INPP4B: variants seen among roughly 807,000 people sequenced by gnomAD.
The protein encoded by INPP4B is inositol polyphosphate-4-phosphatase type II B.
A neutral mutation model predicts 122.5 loss-of-function variants in INPP4B; 55 were observed. The ratio of observed to expected loss-of-function variants is 0.45; its 90% CI spans 0.36 to 0.56. The LOEUF is 0.56. Ranked by LOEUF, INPP4B falls within the 20% of genes least tolerant of loss-of-function variation. INPP4B has a pLI of 0.00. For synonymous variants in INPP4B, 403 were observed against 388.7 expected, an observed-to-expected ratio of 1.04 and a Z score of -0.43; for missense variants, 1,000 against 1,097.7, an observed-to-expected ratio of 0.91 and a Z score of 1.26.
At chr4:142,376,809 T>C (rs141246574) in intron 7 of INPP4B, among the ~76,000 whole-genome samples, 5 of 152,168 alleles carry the variant, frequency 3.3e-5, no homozygotes, top group Admixed American at 3.3e-4. Flanking sequence ...TTGAGCAAAT[T>C]ACTCAAATTC....
In INPP4B at chr4:142,844,285, CAAAT is replaced by C. The variant is rs775134595; in HGVS notation, c.-254+1920_-254+1923del. ...CATCATAGTGATCATTATTTTATCACAAATAAATATTGATTTGCTTAATCAAAGA... is the reference window on the plus strand; with the variant it reads ...CATCATAGTGATCATTATTTTATCACAAATATTGATTTGCTTAATCAAAGA... On this transcript the variant is annotated intron_variant, in intron 1 of 25. Coordinates refer to ENST00000262992, the MANE Select transcript of INPP4B (RefSeq NM_001101669.3). Among the ~76,000 whole-genome samples the C allele has an allele frequency of 4.9e-4, 74 of 152,214 alleles. 1 individual carries two copies. Among genetic ancestry groups the C allele is most frequent in the Non-Finnish European group, 9.9e-4 (67 of 68,000 alleles).
intron 2 of INPP4B, among the ~76,000 whole-genome samples, chr4:142,637,650 C>T (rs1407797614): frequency 4.6e-5 from 7 of 152,154 alleles, no homozygotes; most frequent in African/African-American, 1.7e-4. Context: ...AATAAAGCTG[C>T]TGTAAACATT....
At chr4:142,087,448 T>C (rs1308522843) in intron 23 of INPP4B, among the ~76,000 whole-genome samples, 1 of 152,188 alleles carries the variant, frequency 6.6e-6, no homozygotes, top group Non-Finnish European at 1.5e-5. Context: ...CTTGGTGAGA[T>C]GGGATTCAAT....
At chr4:142,736,621 A>C (rs1766948993) in intron 1 of INPP4B, among the ~76,000 whole-genome samples, 1 of 152,166 alleles carries the variant, frequency 6.6e-6, no homozygotes, top group Non-Finnish European at 1.5e-5. Context: ...GTATATAAGA[A>C]TACTTGTGAT....
At chr4:142,776,535 G>T (rs918616782) in intron 1 of INPP4B, among the ~76,000 whole-genome samples, 4 of 152,114 alleles carry the variant, frequency 2.6e-5, no homozygotes, top group Non-Finnish European at 4.4e-5. Context: ...ATTGGAAGTT[G>T]CCAGGAACTA....
intron 1 of INPP4B, among the ~76,000 whole-genome samples, chr4:142,763,811 A>G (rs184251031): frequency 7.9e-5 from 12 of 152,276 alleles, no homozygotes; most frequent in Non-Finnish European, 1.6e-4. Context: ...AAAATTACAA[A>G]TTTTGCTTTG....
At chr4:142,592,795 T>C (rs1737791603) in intron 2 of INPP4B, among the ~76,000 whole-genome samples, 1 of 152,084 alleles carries the variant, frequency 6.6e-6, no homozygotes, top group Admixed American at 6.6e-5. Flanking sequence ...AAATGCTGAA[T>C]TTATAGGATC....
intron 2 of INPP4B, among the ~76,000 whole-genome samples, chr4:142,624,067 C>A (rs886171346): frequency 6.6e-6 from 1 of 151,622 alleles, no homozygotes; most frequent in Non-Finnish European, 1.5e-5. Context: ...GATTTATAGT[C>A]CTTTGGGTAT....
intron 7 of INPP4B, chr4:142,383,887 T>G: frequency 1.1e-5 from 6 of 549,794 alleles, no homozygotes; most frequent in Middle Eastern, 4.4e-4. Context: ...AACACAGGTG[T>G]GAGCTTATTA....
At chr4:142,375,583 G>A (rs1791541427) in intron 7 of INPP4B, among the ~76,000 whole-genome samples, 1 of 151,734 alleles carries the variant, frequency 6.6e-6, no homozygotes, top group African/African-American at 2.4e-5. Context: ...GGTAGCCATG[G>A]GACACAATTT....
chr4:142,521,149 T>A (rs1826019485), intron 2 of INPP4B, among the ~76,000 whole-genome samples: 1 of 151,826 alleles, frequency 6.6e-6, no homozygotes. Context: ...AAAAATATAA[T>A]CAGGAAAATT....
rs189862368 is a variant in INPP4B at position 142,117,027 on chromosome 4, T to C, written c.2136-4345A>G. Among the ~76,000 whole-genome samples the C allele has an allele frequency of 9.2e-3, 1,407 of 152,122 alleles. 10 individuals are homozygous for C. Among genetic ancestry groups the C allele is most frequent in the Non-Finnish European group, 0.016 (1,095 of 67,960 alleles). The stretch of plus-strand genomic sequence containing the variant: ...TACAAACTATCATCAGAGAATACTA[T>C]AAACACCACTATGCAAATAAACTAG... On this transcript the variant is annotated intron_variant, in intron 21 of 25. Transcript: ENST00000262992.
At chr4:142,130,219 G>A (rs1453742488) in intron 18 of INPP4B, among the ~76,000 whole-genome samples, 1 of 152,156 alleles carries the variant, frequency 6.6e-6, no homozygotes, top group Non-Finnish European at 1.5e-5. Context: ...CCCACAGTGA[G>A]GCTTTGTAGG....
chr4:142,560,193 G>A lies in INPP4B; in HGVS notation c.-190-97467C>T, dbSNP rs147727054. 2.8e-3 allele frequency among the ~76,000 whole-genome samples: 419 copies of A among 152,258 alleles called. 3 individuals carry two copies. The highest frequency in any genetic ancestry group is 9.5e-3 in the African/African-American group (394 of 41,530). ...CTAATCCTCAATGCTAACAGCCTGC[G>A]CTTTCCTTCCCCGCCTCAGCCATGT... On this transcript the variant is annotated intron_variant, in intron 2 of 25. Coordinates refer to ENST00000262992, the MANE Select transcript of INPP4B (RefSeq NM_001101669.3).
intron 2 of INPP4B, among the ~76,000 whole-genome samples, chr4:142,604,415 T>G (rs544518427): frequency 6.6e-6 from 1 of 152,026 alleles, no homozygotes; most frequent in Non-Finnish European, 1.5e-5. Context: ...AGCATCCAAA[T>G]TGGAAAAGAG....
At chr4:142,564,482 AAG>A (rs1731204391) in intron 2 of INPP4B, among the ~76,000 whole-genome samples, 1 of 150,998 alleles carries the variant, frequency 6.6e-6, no homozygotes, top group Admixed American at 6.6e-5. Flanking sequence ...AAAGAAAAAA[AAG>A]AAACTCAGCA....
intron 7 of INPP4B, among the ~76,000 whole-genome samples, chr4:142,331,680 T>C (rs1476981293): frequency 6.6e-6 from 1 of 152,156 alleles, no homozygotes; most frequent in East Asian, 1.9e-4. Context: ...TTAAAACCAA[T>C]GGAAACTTTG....
At chr4:142,416,491 ATT>A (rs1384583947) in intron 5 of INPP4B, among the ~76,000 whole-genome samples, 1 of 152,110 alleles carries the variant, frequency 6.6e-6, no homozygotes. Flanking sequence ...TTTCCTGAAA[ATT>A]TGTTTGGGCT....
intron 12 of INPP4B, among the ~76,000 whole-genome samples, chr4:142,217,162 A>T (rs919870696): frequency 5.3e-5 from 8 of 152,172 alleles, no homozygotes; most frequent in Non-Finnish European, 1.2e-4. Context: ...CAAAAACAAA[A>T]AAAGAAGAAA....
Sources: gnomAD v4.1 joint callset for allele counts (sites outside exome capture counted in the v4.1 genomes callset) on GRCh38, gnomAD v4.1.1 for gene constraint, MANE v1.5 for transcripts, NCBI Gene and HGNC (gene_info 2026-07-23, HGNC 2026-07-21) for gene names.